Variants in CELSR3 observed in about 807,000 individuals in gnomAD.
The protein encoded by CELSR3 is EGF-like protein 1.
CELSR3 carries 73 observed loss-of-function variants against 270.0 expected under a neutral mutation model. That is an observed-to-expected ratio of 0.27 (90% confidence interval 0.22 to 0.33). The LOEUF is 0.33. Ranked by LOEUF, CELSR3 falls within the 10% of genes least tolerant of loss-of-function variation. CELSR3 has a pLI of 1.00. For synonymous variants in CELSR3, 1,780 were observed against 1,905.4 expected (o/e 0.93, Z 1.71); for missense variants, 3,614 against 4,533.8 (o/e 0.80, Z 5.83).
intron 16 of CELSR3, among the ~76,000 whole-genome samples, chr3:48,649,957 G>GC (rs1223436592): frequency 6.6e-6 from 1 of 150,454 alleles, no homozygotes; most frequent in African/African-American, 2.4e-5. Context: ...GTGGGGAGGG[G>GC]CCCCCAAGCA....
chr3:48,644,666 C>T lies in CELSR3; in HGVS notation c.8085+50G>A. 1 of 1,454,072 alleles carries T rather than the reference C, an allele frequency of 6.9e-7. No individual in the cohort carries two copies. Among genetic ancestry groups the T allele is most frequent in the Non-Finnish European group, 9.6e-7 (1 of 1,038,596 alleles). 90.1% of individuals were successfully genotyped at this position (1,454,072 alleles called of 1,614,324 possible). On this transcript the variant is annotated intron_variant, in intron 26 of 34. Transcript: ENST00000164024. The surrounding 1 kb of genome is among the most constrained non-coding windows in gnomAD (Gnocchi z 4.8). ...CAGCTGAGTCCACTGCACCTCCTCC[C>T]CCAATGAGGGAGGGAAGTACAGAGG... is the stretch of plus-strand genomic sequence containing the variant.
In CELSR3 at chr3:48,642,538, T is replaced by C; in HGVS notation, c.8556-71A>G. ...GGTGCCTTGGAGGCTGGAGTGTCTT[T>C]GAGTGCACAGCCAGCTGCGGGTGGA... On this transcript the variant is annotated intron_variant, in intron 30 of 34. Transcript: ENST00000164024. This position sits in a 1 kb window ranked among gnomAD's most constrained non-coding sequence, Gnocchi z 6.1. 6.6e-7 allele frequency: 1 copy of C among 1,516,544 alleles called. No individual in the cohort carries two copies. The highest frequency in any genetic ancestry group is 9.0e-7 in the Non-Finnish European group (1 of 1,114,304). The allele number at this position is 1,516,544 out of a possible 1,614,324, so 93.9% of individuals were successfully genotyped here. A position where few individuals can be genotyped will look rare whatever the true frequency, so the allele number is the denominator to read the frequency against.
intron 34 of CELSR3, 54 bp from the exon 35 acceptor site, chr3:48,638,286 C>A: frequency 1.5e-6 from 2 of 1,357,662 alleles, no homozygotes; most frequent in Non-Finnish European, 2.1e-6. Flanking sequence ...CCGAGTCAGG[C>A]GGCTCTGGAC....
chr3:48,646,700 C>T lies in CELSR3; in HGVS notation c.7295+63G>A, dbSNP rs1230545713. ...TGTTGTGAACCTACGCATCTACCCA[C>T]CAAAAAAGGGGCTGCCAGGCTGAGA... On this transcript the variant is annotated intron_variant, in intron 21 of 34. Transcript: ENST00000164024. The surrounding 1 kb of genome is among the most constrained non-coding windows in gnomAD (Gnocchi z 4.8). 4 of 1,540,842 alleles carry T rather than the reference C, an allele frequency of 2.6e-6. No individual in the cohort carries two copies. Among genetic ancestry groups the T allele is most frequent in the Admixed American group, 2.0e-5 (1 of 50,060 alleles).
chr3:48,651,233 C>G lies in CELSR3; in HGVS notation c.6186+126G>C, dbSNP rs1294365009. On this transcript the variant is annotated intron_variant, in intron 14 of 34. Coordinates refer to ENST00000164024, the MANE Select transcript of CELSR3 (RefSeq NM_001407.3). The surrounding 1 kb of genome is among the most constrained non-coding windows in gnomAD (Gnocchi z 7.4). ...GGGGTCACGGGTAAAGGATGAGAGA[C>G]AGCAACTTGGTCACAGGACACAGGC... 2.7e-6 allele frequency: 4 copies of G among 1,509,024 alleles called. No homozygotes were observed. In the East Asian group the frequency reaches 9.1e-5, roughly 34 times the overall value. 93.5% of individuals were successfully genotyped at this position (1,509,024 alleles called of 1,614,324 possible).
chr3:48,645,200 T>C lies in CELSR3; in HGVS notation c.7807A>G (p.Thr2603Ala). The C allele has an allele frequency of 2.5e-6, 4 of 1,575,188 alleles. No homozygotes were observed. The highest frequency in any genetic ancestry group is 3.5e-6 in the Non-Finnish European group (4 of 1,153,786). The change falls in exon 25 of 35, where the codon ACT becomes GCT. Residue 2603 changes from threonine (T) to alanine (A), a missense_variant. By Grantham distance (58) the Thr-to-Ala change is moderately conservative (BLOSUM62 0). This residue lies in a region of CELSR3 where 1,240 missense variants were observed against 1,351.7 expected (regional missense o/e 0.92). Transcript: ENST00000164024. The surrounding 1 kb of genome is among the most constrained non-coding windows in gnomAD (Gnocchi z 5.4). ...IHRTHNQLVC[T>A]AVAILLHYFF... ...TAGTGCAGGAGGATGGCGACTGCAG[T>C]GCACACCAGCTGAGGGCAGGGGGGC... is the stretch of plus-strand genomic sequence containing the variant.
rs2047179293 is a variant in CELSR3, at chr3:48,656,144, G to C, written c.4621C>G (p.Leu1541Val). 2.6e-6 allele frequency: 4 copies of C among 1,535,896 alleles called. No homozygotes were observed. The highest frequency in any genetic ancestry group is 3.5e-6 in the Non-Finnish European group (4 of 1,147,010). Residue 1541 changes from leucine (L) to valine (V), a missense_variant, in exon 3 of 35, where the codon CTC (leucine) becomes GTC (valine). By Grantham distance (32) the Leu-to-Val change is conservative. Around this residue, in one of 7 missense-constraint regions of CELSR3, gnomAD observed 1,331 missense variants for 1,933.7 expected, o/e 0.69. Transcript: ENST00000164024. Reference sequence around the variant, plus strand: ...AGACACGGGGCGGGCACCTACGAGAGGGACAGCGTAAGGTGGAATCGCTGC... The same window carrying C: ...AGACACGGGGCGGGCACCTACGAGACGGACAGCGTAAGGTGGAATCGCTGC... ...LRQRFHLTLS[L>V]SFATVQQSGL...
chr3:48,643,671 A>C lies in CELSR3; in HGVS notation c.8172T>G (p.Leu2724=), dbSNP rs1323557302. The change falls in exon 28 of 35, where the codon CTT becomes CTG. Residue 2724 remains leucine (L), a synonymous_variant. Coordinates refer to ENST00000164024, the MANE Select transcript of CELSR3 (RefSeq NM_001407.3). ...GCAGAAGCAGCAGGAAGGAGCTGCG[A>C]AGGGTCCTGCTGTGGGGACATGGGA... is the stretch of plus-strand genomic sequence containing the variant. ...REAKKTSALT[L]RSSFLLLLLV... is the part of the protein sequence containing the mutation. 5 of 1,552,400 alleles carry C rather than the reference A, an allele frequency of 3.2e-6. No individual in the cohort carries two copies. The African/African-American group carries it at 6.8e-5, about 21-fold the overall frequency.
In CELSR3 at chr3:48,646,211, C is replaced by T. The variant is rs1216492124; in HGVS notation, c.7342G>A (p.Val2448Met). ...CTTAGGAAGTTGCGTCCGTGGAACA[C>T]AGCCACGCTGACCACCGGGGAGTTC... Reference protein sequence around the residue: ...VMNSPVVSVAVFHGRNFLRGI... With the variant: ...VMNSPVVSVAMFHGRNFLRGI... The change falls in exon 22 of 35, where the codon GTG becomes ATG. Residue 2448 changes from valine (V) to methionine (M), a missense_variant. Transcript: ENST00000164024. The surrounding 1 kb of genome is among the most constrained non-coding windows in gnomAD (Gnocchi z 4.8). 2 of 1,612,720 alleles carry T rather than the reference C, an allele frequency of 1.2e-6. No homozygotes were observed. The highest frequency in any genetic ancestry group is 8.5e-7 in the Non-Finnish European group (1 of 1,179,914).
intron 20 of CELSR3, 99 bp from the exon 21 acceptor site, chr3:48,647,027 G>T: frequency 8.3e-7 from 1 of 1,202,302 alleles, no homozygotes; most frequent in Non-Finnish European, 1.1e-6. Context: ...TCTCTTCCCT[G>T]CAGGAGCAGA....
In CELSR3 at chr3:48,651,645, C is replaced by A. The variant is rs1292634445; in HGVS notation, c.5997G>T (p.Leu1999=). ...PCQNQGSCRH[L]PGAPHGYTCD... The stretch of plus-strand genomic sequence containing the variant: ...AGGTATAGCCATGGGGGGCTCCTGG[C>A]AGGTGCCGGCATGATCCCTGGTTCT... The change falls in exon 13 of 35, where the codon CTG becomes CTT. Residue 1999 remains leucine, a synonymous_variant. Transcript: ENST00000164024. The surrounding 1 kb of genome is among the most constrained non-coding windows in gnomAD (Gnocchi z 7.4). 5.0e-6 allele frequency: 8 copies of A among 1,589,728 alleles called. No individual in the cohort carries two copies. Among genetic ancestry groups the A allele is most frequent in the Non-Finnish European group, 6.8e-6 (8 of 1,168,306 alleles).
In CELSR3 at chr3:48,646,036, G is replaced by C. The variant is rs1431592214; in HGVS notation, c.7463+54C>G. On this transcript the variant is annotated intron_variant, in intron 22 of 34. Transcript: ENST00000164024. This position sits in a 1 kb window ranked among gnomAD's most constrained non-coding sequence, Gnocchi z 4.8. ...CCCCAGGGGAAGGCTGGGACTATTAGTTGGCCTCCCAAGGGCTAACGGGAC... is the reference window on the plus strand; with the variant it reads ...CCCCAGGGGAAGGCTGGGACTATTACTTGGCCTCCCAAGGGCTAACGGGAC... 6.3e-7 allele frequency: 1 copy of C among 1,599,546 alleles called. No homozygotes were observed. The highest frequency in any genetic ancestry group is 2.2e-5 in the East Asian group (1 of 44,588).
Position 48,655,530 on chromosome 3 carries a change from C to T in CELSR3, c.4742-136G>A, listed in dbSNP as rs1387700167. On this transcript the variant is annotated intron_variant, in intron 4 of 34. Transcript: ENST00000164024. The surrounding 1 kb of genome is among the most constrained non-coding windows in gnomAD (Gnocchi z 5.8). Reference sequence around the variant, plus strand: ...CCCCACTGGTGACCACAATGGCTGGCTCAGAGTGCCTTTGAACAGACAGGA... The same window carrying T: ...CCCCACTGGTGACCACAATGGCTGGTTCAGAGTGCCTTTGAACAGACAGGA... 1 of 963,998 alleles carries T rather than the reference C, an allele frequency of 1.0e-6. No homozygotes were observed. Among genetic ancestry groups the T allele is most frequent in the African/African-American group, 1.6e-5 (1 of 62,244 alleles). 59.7% of individuals were successfully genotyped at this position (963,998 alleles called of 1,614,324 possible).
chr3:48,642,933 A>C lies in CELSR3; in HGVS notation c.8406+34T>G, dbSNP rs1284466095. 1 of 1,609,868 alleles carries C rather than the reference A, an allele frequency of 6.2e-7. No individual in the cohort carries two copies. The highest frequency in any genetic ancestry group is 8.5e-7 in the Non-Finnish European group (1 of 1,177,824). Reference sequence around the variant, plus strand: ...TGAGCTAACCCTGAAGCAGCCTAAAACTCTGGCTTCTCAGGGCCCCCATCC... The same window carrying C: ...TGAGCTAACCCTGAAGCAGCCTAAACCTCTGGCTTCTCAGGGCCCCCATCC... On this transcript the variant is annotated intron_variant, in intron 29 of 34. Transcript: ENST00000164024. This position sits in a 1 kb window ranked among gnomAD's most constrained non-coding sequence, Gnocchi z 6.1.
At chr3:48,649,083 AG>A in intron 17 of CELSR3, 37 bp downstream of exon 17, 1 of 1,586,704 alleles carries the variant, frequency 6.3e-7, no homozygotes, top group Non-Finnish European at 8.6e-7. Context: ...AGGCCAAGGA[AG>A]GTCTTAGGTT....
Position 48,643,038 on chromosome 3 carries a change from G to A in CELSR3, c.8335C>T (p.Arg2779Trp), listed in dbSNP as rs765692240. 23 of 1,612,662 alleles carry A rather than the reference G, an allele frequency of 1.4e-5. No individual in the cohort carries two copies. The African/African-American group carries it at 1.5e-4, about 10-fold the overall frequency. The change falls in exon 29 of 35, where the codon CGG (arginine) becomes TGG (tryptophan). Residue 2779 changes from arginine (R) to tryptophan (W), a missense_variant. By Grantham distance (101) the Arg-to-Trp change is moderately radical (BLOSUM62 -3). Transcript: ENST00000164024. ...LLFCVLNADA[R>W]AAWMPACLGR... is the part of the protein sequence containing the mutation. The stretch of plus-strand genomic sequence containing the variant: ...AGACAGGCTGGCATCCAGGCAGCCC[G>A]AGCATCTGCATTTAGGACACAGAAG...
Position 48,651,957 on chromosome 3 carries a change from T to C in CELSR3, c.5843A>G (p.Asn1948Ser). The change falls in exon 12 of 35, where the codon AAC becomes AGC. Residue 1948 changes from asparagine to serine, a missense_variant. By Grantham distance (46) the Asn-to-Ser change is conservative. Around this residue, in one of 7 missense-constraint regions of CELSR3, gnomAD observed 1,331 missense variants for 1,933.7 expected, o/e 0.69. Coordinates refer to ENST00000164024, the MANE Select transcript of CELSR3 (RefSeq NM_001407.3). The surrounding 1 kb of genome is among the most constrained non-coding windows in gnomAD (Gnocchi z 7.4). ...VNAEPGCVVT[N>S]ACASGPCPPH... ...TGGGCAGGGCCCAGAGGCACAGGCG[T>C]TGGTCACAACACAGCCAGGCTCCGC... 6.2e-7 allele frequency: 1 copy of C among 1,608,484 alleles called. No individual in the cohort carries two copies. Among genetic ancestry groups the C allele is most frequent in the East Asian group, 2.2e-5 (1 of 44,798 alleles).
In CELSR3 at chr3:48,644,860, T is replaced by C. The variant is rs2047064636; in HGVS notation, c.7973-32A>G. The C allele has an allele frequency of 1.9e-6, 3 of 1,592,978 alleles. No homozygotes were observed. Among genetic ancestry groups the C allele is most frequent in the Non-Finnish European group, 2.6e-6 (3 of 1,163,736 alleles). On this transcript the variant is annotated intron_variant, in intron 25 of 34. Coordinates refer to ENST00000164024, the MANE Select transcript of CELSR3 (RefSeq NM_001407.3). The surrounding 1 kb of genome is among the most constrained non-coding windows in gnomAD (Gnocchi z 4.8). ...AAGAGAAAGGGTAGGACTGAGGGTG[T>C]GTGTTCCAGAGCTGCTGACCAGCCC... is the stretch of plus-strand genomic sequence containing the variant.
chr3:48,661,692 A>G lies in CELSR3; in HGVS notation c.943T>C (p.Phe315Leu), dbSNP rs1394975407. Reference protein sequence around the residue: ...RKVTSANRARFRRAANRHPQF... With the variant: ...RKVTSANRARLRRAANRHPQF... ...GGGTGGCGGTTTGCGGCGCGACGAAAGCGTGCCCGGTTCGCCGAGGTTACT... is the reference window on the plus strand; with the variant it reads ...GGGTGGCGGTTTGCGGCGCGACGAAGGCGTGCCCGGTTCGCCGAGGTTACT... Residue 315 changes from phenylalanine to leucine, a missense_variant, in exon 1 of 35, where the codon TTT becomes CTT. Phe to Leu is a conservative substitution (Grantham distance 22, BLOSUM62 0). Coordinates refer to ENST00000164024, the MANE Select transcript of CELSR3 (RefSeq NM_001407.3). The G allele has an allele frequency of 2.5e-6, 4 of 1,578,422 alleles. No homozygotes were observed. The African/African-American group carries it at 5.4e-5, about 21-fold the overall frequency.
Sources: allele counts gnomAD v4.1 joint callset (sites outside exome capture counted in the v4.1 genomes callset), GRCh38; gene constraint gnomAD v4.1.1; regional missense constraint gnomAD v4.1.1; non-coding constraint Gnocchi (gnomAD v3.1); transcripts MANE v1.5; gene names NCBI Gene and HGNC (gene_info 2026-07-23, HGNC 2026-07-21).